VWA8: variants seen among roughly 807,000 people sequenced by gnomAD.
VWA8 encodes the protein von Willebrand factor A domain containing 8, also known as von Willebrand factor A domain-containing protein 8.
VWA8 carries 221 observed loss-of-function variants against 241.5 expected under a neutral mutation model. That is an observed-to-expected ratio of 0.91 (90% CI 0.82 to 1.02). The LOEUF (loss-of-function observed/expected upper bound fraction) is 1.02, where lower values mean the gene tolerates loss of function less well. Ranked by LOEUF, VWA8 falls within the 50% of genes least tolerant of loss-of-function variation. VWA8 has a pLI of 0.00. For missense variants in VWA8, 2,322 were observed against 2,328.7 expected (o/e 1.00, Z 0.06); for synonymous variants, 852 against 827.1 (o/e 1.03, Z -0.52).
chr13:41,833,226 C>T (rs1566474994), intron 13 of VWA8, 145 bp downstream of exon 13: 5 of 958,330 alleles, frequency 5.2e-6, no homozygotes, highest in Non-Finnish European at 7.0e-6. Flanking sequence ...AAAAAAGTGC[C>T]ATTCTACTTG....
Position 41,587,363 on chromosome 13 carries a change from C to A in VWA8, c.5271+149G>T, listed in dbSNP as rs1009631486. On this transcript the variant is annotated intron_variant, in intron 42 of 44. Transcript: ENST00000379310. ...TGGAGTTATTTTACAATTACTACTT[C>A]AGATAAAACAAAAGCTTCACTTTCT... The A allele has an allele frequency of 9.3e-6, 9 of 970,790 alleles. No homozygotes were observed. In the South Asian group the frequency reaches 1.8e-4, roughly 19 times the overall value. 60.1% of individuals were successfully genotyped at this position (970,790 alleles called of 1,614,324 possible). A position where few individuals can be genotyped will look rare whatever the true frequency, so the allele number is the denominator to read the frequency against.
intron 17 of VWA8, among the ~76,000 whole-genome samples, 181 bp from the exon 18 acceptor site, chr13:41,787,724 A>G (rs1869270788): frequency 6.6e-6 from 1 of 152,138 alleles, no homozygotes; most frequent in African/African-American, 2.4e-5. Context: ...ATATAAACTT[A>G]ATGTACGTGT....
intron 2 of VWA8, among the ~76,000 whole-genome samples, chr13:41,920,533 G>A (rs746446435): frequency 2.0e-5 from 3 of 152,110 alleles, no homozygotes; most frequent in African/African-American, 4.8e-5. Flanking sequence ...AAAATTGATA[G>A]ACCGCTAGCA....
Position 41,705,965 on chromosome 13 carries a change from G to A in VWA8, c.3117-2554C>T, listed in dbSNP as rs759785377. Reference sequence around the variant, plus strand: ...TGAATACATCCCAAATTGGTTCTTTGAAGACAACAGAAACAGTTTCACATC... The same window carrying A: ...TGAATACATCCCAAATTGGTTCTTTAAAGACAACAGAAACAGTTTCACATC... On this transcript the variant is annotated intron_variant, in intron 26 of 44. Coordinates refer to ENST00000379310, the MANE Select transcript of VWA8 (RefSeq NM_015058.2). Among the ~76,000 whole-genome samples the A allele has an allele frequency of 2.0e-5, 3 of 152,224 alleles. No individual in the cohort carries two copies. In the South Asian group the frequency reaches 6.2e-4, roughly 32 times the overall value.
At chr13:41,795,155 T>G (rs1191986599) in intron 17 of VWA8, among the ~76,000 whole-genome samples, 3 of 151,926 alleles carry the variant, frequency 2.0e-5, no homozygotes, top group African/African-American at 7.2e-5. Context: ...AACAGACACT[T>G]TTCAAAAGAA....
chr13:41,616,532 T>C (rs1217126441), intron 37 of VWA8, among the ~76,000 whole-genome samples: 2 of 152,100 alleles, frequency 1.3e-5, no homozygotes, highest in African/African-American at 4.8e-5. Flanking sequence ...TCCCAAAAAC[T>C]TGCCACCATT....
At chr13:41,848,289 A>G (rs148462328) in intron 12 of VWA8, among the ~76,000 whole-genome samples, 1 of 152,334 alleles carries the variant, frequency 6.6e-6, no homozygotes, top group African/African-American at 2.4e-5. Flanking sequence ...CAATGGATTC[A>G]GGGAGAGTTA....
intron 12 of VWA8, among the ~76,000 whole-genome samples, chr13:41,840,560 C>T (rs1263904530): frequency 1.3e-5 from 2 of 151,874 alleles, no homozygotes; most frequent in Non-Finnish European, 2.9e-5. Flanking sequence ...GAGTTCAAGA[C>T]CAGCCTGGGC....
chr13:41,622,882 A>C (rs1253362725), intron 37 of VWA8, among the ~76,000 whole-genome samples: 1 of 152,238 alleles, frequency 6.6e-6, no homozygotes, highest in Non-Finnish European at 1.5e-5. Context: ...ATGACTGGAC[A>C]ACACAGCTGG....
intron 19 of VWA8, 66 bp downstream of exon 19, chr13:41,783,729 A>C (rs1869006065): frequency 1.9e-6 from 2 of 1,072,250 alleles, no homozygotes; most frequent in African/African-American, 3.3e-5. Context: ...TGTCAATTTC[A>C]CTTGAATTGG....
chr13:41,577,595 C>G (rs1053277753), intron 42 of VWA8, among the ~76,000 whole-genome samples: 7 of 152,156 alleles, frequency 4.6e-5, no homozygotes, highest in African/African-American at 1.7e-4. Context: ...GAGGCCCCGA[C>G]TGATTTGACA....
intron 17 of VWA8, among the ~76,000 whole-genome samples, chr13:41,806,041 T>G (rs1464213864): frequency 2.7e-5 from 4 of 150,338 alleles, no homozygotes; most frequent in Non-Finnish European, 5.9e-5. Context: ...GTATCTTCTG[T>G]GACCACAATG....
rs75807129 is a variant in VWA8, at chr13:41,810,643, G to A, written c.2063+582C>T. 4.7e-3 allele frequency among the ~76,000 whole-genome samples: 708 copies of A among 152,014 alleles called. 4 individuals carry two copies. The highest frequency in any genetic ancestry group is 0.016 in the African/African-American group (653 of 41,474). On this transcript the variant is annotated intron_variant, in intron 17 of 44. Coordinates refer to ENST00000379310, the MANE Select transcript of VWA8 (RefSeq NM_015058.2). ...AGGTGGGAAGGGTAGTGAGAATTGG[G>A]GAAGGGAATGGTTAATGGGTACAAA...
At chr13:41,913,462 G>A (rs1030862276) in intron 2 of VWA8, among the ~76,000 whole-genome samples, 4 of 152,068 alleles carry the variant, frequency 2.6e-5, no homozygotes, top group East Asian at 1.9e-4. Context: ...TATTCCACAC[G>A]TGCTAAACTT....
chr13:41,724,983 G>A (rs933477323), intron 24 of VWA8, among the ~76,000 whole-genome samples: 1 of 152,104 alleles, frequency 6.6e-6, no homozygotes, highest in Non-Finnish European at 1.5e-5. Context: ...AATCTGAAAT[G>A]AGATTGGTCA....
chr13:41,613,310 G>A (rs2044601444), intron 38 of VWA8, among the ~76,000 whole-genome samples: 1 of 152,120 alleles, frequency 6.6e-6, no homozygotes. Flanking sequence ...ATTTAGAAAT[G>A]GGTGGTGGAA....
At chr13:41,848,002 G>A (rs570822530) in intron 12 of VWA8, among the ~76,000 whole-genome samples, 2 of 152,272 alleles carry the variant, frequency 1.3e-5, no homozygotes, top group South Asian at 4.1e-4. Context: ...AAGGATAGTG[G>A]GTTAGAATTT....
chr13:41,689,230 G>T, intron 34 of VWA8, 124 bp downstream of exon 34: 1 of 1,078,176 alleles, frequency 9.3e-7, no homozygotes, highest in Non-Finnish European at 1.3e-6. Context: ...TTGGAAGGAA[G>T]ACTTGATCCA....
Position 41,912,064 on chromosome 13 carries a change from G to A in VWA8, c.346C>T (p.Arg116Ter), listed in dbSNP as rs759144797. ...AAGTACTGCATAGCAATAGAGCGTC[G>A]AAGAGGCCCAGGAGGTCCTATTAGA... ...VFLIGPPGPL[R>*]RSIAMQYLEL... The change falls in exon 3 of 45, where the codon CGA becomes TGA. Residue 116 changes from arginine (R) to a stop codon, truncating the protein, a stop_gained. Transcript: ENST00000379310. LOFTEE classifies it high-confidence loss of function. The A allele has an allele frequency of 1.4e-5, 22 of 1,599,154 alleles. No individual in the cohort carries two copies. Among genetic ancestry groups the A allele is most frequent in the Middle Eastern group, 1.7e-4 (1 of 6,036 alleles).
Sources: allele counts gnomAD v4.1 joint callset (sites outside exome capture counted in the v4.1 genomes callset), GRCh38; gene constraint gnomAD v4.1.1; transcripts MANE v1.5; gene names NCBI Gene and HGNC (gene_info 2026-07-23, HGNC 2026-07-21).